EPHA6: variants seen among roughly 807,000 people sequenced by gnomAD.
The protein encoded by EPHA6 is EPH receptor A6, also known as ephrin type-A receptor 6.
A neutral mutation model predicts 112.0 loss-of-function variants in EPHA6; 50 were observed. The ratio of observed to expected loss-of-function variants is 0.45; its 90% CI spans 0.36 to 0.56. The LOEUF (loss-of-function observed/expected upper bound fraction) is 0.56, where lower values mean the gene tolerates loss of function less well. Among genes scored for constraint, EPHA6 ranks in the 20% least tolerant of loss-of-function variants. The pLI, the probability that EPHA6 is intolerant of heterozygous loss-of-function variation, is 0.00. For synonymous variants in EPHA6, 529 were observed against 490.7 expected, an observed-to-expected ratio of 1.08 and a Z score of -1.03; for missense variants, 1,280 against 1,417.4, an observed-to-expected ratio of 0.90 and a Z score of 1.56.
intron 14 of EPHA6, among the ~76,000 whole-genome samples, chr3:97,641,565 C>T (rs1293452772): frequency 6.6e-6 from 1 of 152,144 alleles, no homozygotes; most frequent in Non-Finnish European, 1.5e-5. Context: ...AGACAGTGGG[C>T]GCAGGATAGT....
At position 97,289,932 on chromosome 3, in the gene EPHA6, A is replaced by G. The variant is rs1024708311; in HGVS notation, c.1606+45645A>G. Among the ~76,000 whole-genome samples the G allele has an allele frequency of 9.9e-5, 15 of 152,074 alleles. No individual in the cohort carries two copies. In the South Asian group the frequency reaches 3.1e-3, roughly 32 times the overall value. ...ACTTTTATTTTTGTTGCTTCTTTGT[A>G]TGAATTTTTGGATCTCAATTTTGTT... On this transcript the variant is annotated intron_variant, in intron 5 of 17. Coordinates refer to ENST00000389672, the MANE Select transcript of EPHA6 (RefSeq NM_001080448.3).
chr3:97,123,413 A>G (rs994191745), intron 3 of EPHA6, among the ~76,000 whole-genome samples: 3 of 152,078 alleles, frequency 2.0e-5, no homozygotes, highest in African/African-American at 7.2e-5. Context: ...GCTGTGTAAT[A>G]CTAGGATTAT....
intron 14 of EPHA6, among the ~76,000 whole-genome samples, chr3:97,653,603 CA>C (rs2094120395): frequency 6.6e-6 from 1 of 151,798 alleles, no homozygotes; most frequent in East Asian, 1.9e-4. Flanking sequence ...AGAAGTTCCT[CA>C]GAAAATTAAC....
chr3:97,709,142 G>A (rs1483951221), intron 14 of EPHA6, among the ~76,000 whole-genome samples: 1 of 133,864 alleles, frequency 7.5e-6, no homozygotes, highest in Non-Finnish European at 1.6e-5. Context: ...CATACACCTG[G>A]CCCCATGCAA....
At chr3:97,213,176 G>C (rs2077926470) in intron 3 of EPHA6, among the ~76,000 whole-genome samples, 1 of 152,074 alleles carries the variant, frequency 6.6e-6, no homozygotes, top group African/African-American at 2.4e-5. Flanking sequence ...GTTTCCTGTG[G>C]TTTCTCTTTA....
At chr3:97,635,110 A>G (rs2093934699) in intron 13 of EPHA6, among the ~76,000 whole-genome samples, 1 of 152,036 alleles carries the variant, frequency 6.6e-6, no homozygotes, top group Admixed American at 6.6e-5. Flanking sequence ...AGGCAAAAAC[A>G]TGTACTTAGT....
chr3:97,183,585 G>A (rs112515835), intron 3 of EPHA6, among the ~76,000 whole-genome samples: 1,677 of 152,090 alleles, frequency 0.011, 24 homozygotes, highest in African/African-American at 0.037. Flanking sequence ...TTTATTCTAG[G>A]TAGATTTTTC....
At chr3:97,730,366 G>T (rs888819888) in intron 15 of EPHA6, among the ~76,000 whole-genome samples, 2 of 152,018 alleles carry the variant, frequency 1.3e-5, no homozygotes, top group African/African-American at 2.4e-5. Flanking sequence ...TAAGCAGCCA[G>T]GTTTAAGATA....
intron 1 of EPHA6, among the ~76,000 whole-genome samples, chr3:96,825,213 G>C (rs1019669421): frequency 6.6e-6 from 1 of 151,406 alleles, no homozygotes; most frequent in Non-Finnish European, 1.5e-5. Context: ...TAATATCCAA[G>C]TGAATAATGT....
At chr3:97,628,023 C>G (rs182220883) in intron 13 of EPHA6, among the ~76,000 whole-genome samples, 1 of 151,964 alleles carries the variant, frequency 6.6e-6, no homozygotes. Context: ...TGGGAAGCCA[C>G]TGTAGTCTTT....
At chr3:96,980,228 A>G (rs1163900897) in intron 2 of EPHA6, among the ~76,000 whole-genome samples, 1 of 152,106 alleles carries the variant, frequency 6.6e-6, no homozygotes, top group Non-Finnish European at 1.5e-5. Context: ...TGATTTTTGT[A>G]TAAGGTGTAA....
intron 3 of EPHA6, among the ~76,000 whole-genome samples, chr3:97,076,832 T>C (rs559909683): frequency 6.6e-6 from 1 of 152,280 alleles, no homozygotes; most frequent in Admixed American, 6.5e-5. Flanking sequence ...ACTCTGCCTG[T>C]GCTCTGTAAA....
At chr3:97,171,431 A>T (rs1045275090) in intron 3 of EPHA6, among the ~76,000 whole-genome samples, 18 of 152,126 alleles carry the variant, frequency 1.2e-4, no homozygotes, top group Non-Finnish European at 2.4e-4. Flanking sequence ...ACAGGAATTG[A>T]ATCACCTATA....
At chr3:97,713,392 A>T (rs1260442471) in intron 14 of EPHA6, among the ~76,000 whole-genome samples, 2 of 152,166 alleles carry the variant, frequency 1.3e-5, no homozygotes, top group East Asian at 3.8e-4. Flanking sequence ...TGAAAACCTC[A>T]AACAAGGGAG....
chr3:97,623,316 C>T (rs1374692835), intron 13 of EPHA6, among the ~76,000 whole-genome samples: 1 of 151,600 alleles, frequency 6.6e-6, no homozygotes, highest in Non-Finnish European at 1.5e-5. Flanking sequence ...CATCATTTTG[C>T]ATGTTGATAT....
chr3:97,552,468 C>A lies in EPHA6; in HGVS notation c.2386+19925C>A, dbSNP rs529965456. ...CCTCTTGCTAAATCAAGTTTGAATC[C>A]CATCAATGACTTAGAAAGAATCTAG... On this transcript the variant is annotated intron_variant, in intron 11 of 17. Transcript: ENST00000389672. 6.9e-4 allele frequency among the ~76,000 whole-genome samples: 105 copies of A among 152,180 alleles called. 1 individual carries two copies. Among genetic ancestry groups the A allele is most frequent in the African/African-American group, 2.3e-3 (96 of 41,566 alleles).
At chr3:97,159,462 G>T (rs1353327734) in intron 3 of EPHA6, among the ~76,000 whole-genome samples, 1 of 152,126 alleles carries the variant, frequency 6.6e-6, no homozygotes, top group African/African-American at 2.4e-5. Flanking sequence ...TTTTCCTGCT[G>T]GGTCACTGGG....
chr3:96,918,144 C>G (rs9833440), intron 2 of EPHA6, among the ~76,000 whole-genome samples: 1 of 151,850 alleles, frequency 6.6e-6, no homozygotes, highest in African/African-American at 2.4e-5. Context: ...TGAGATTTTC[C>G]TTGCATAGAG....
At chr3:97,444,472 C>T (rs758053788) in intron 6 of EPHA6, among the ~76,000 whole-genome samples, 4 of 152,110 alleles carry the variant, frequency 2.6e-5, no homozygotes, top group Non-Finnish European at 2.9e-5. Flanking sequence ...CTAGGTAGAA[C>T]GTTGGTGATT....
Sources: gnomAD v4.1 joint callset for allele counts (sites outside exome capture counted in the v4.1 genomes callset) on GRCh38, gnomAD v4.1.1 for gene constraint, MANE v1.5 for transcripts, NCBI Gene and HGNC (gene_info 2026-07-23, HGNC 2026-07-21) for gene names.